The following ELK3 variants were observed in gnomAD, a reference collection of about 807,000 sequenced individuals.
The protein encoded by ELK3 is ETS transcription factor ELK3, also known as ETS domain-containing protein Elk-3.
A neutral mutation model predicts 28.9 loss-of-function variants in ELK3; 10 were observed. The observed-to-expected ratio is 0.35, with a 90% CI of 0.21 to 0.59. The LOEUF is 0.59. ELK3 is among the 20% of genes least tolerant of loss of function. ELK3 has a pLI of 0.82. For missense variants in ELK3, 463 were observed against 517.3 expected, an observed-to-expected ratio of 0.90 and a Z score of 1.02; for synonymous variants, 272 against 243.5, an observed-to-expected ratio of 1.12 and a Z score of -1.09.
chr12:96,226,647 C>T (rs901790240), intron 2 of ELK3, among the ~76,000 whole-genome samples: 12 of 152,194 alleles, frequency 7.9e-5, no homozygotes, highest in African/African-American at 2.9e-4. Flanking sequence ...CTTGCACATA[C>T]ATATCCACAT....
rs565739225 is a variant in ELK3, at chr12:96,269,084, A to T, written c.*1904A>T. ...CCTGTTTCCAGCTCAAGACAGGTGC[A>T]CAGCAGAAGCTGGGAGTTGCCTATG... is the stretch of plus-strand genomic sequence containing the variant. On this transcript the variant is annotated 3_prime_UTR_variant, in exon 5 of 5. Coordinates refer to ENST00000228741, the MANE Select transcript of ELK3 (RefSeq NM_005230.4). 6.6e-6 allele frequency: 1 copy of T among 152,380 alleles called. No individual in the cohort carries two copies. Among genetic ancestry groups the T allele is most frequent in the East Asian group, 1.9e-4 (1 of 5,188 alleles). The allele number at this position is 152,380 out of a possible 1,614,324, so 9.4% of individuals were successfully genotyped here.
At chr12:96,233,716 G>C (rs185113882) in intron 2 of ELK3, among the ~76,000 whole-genome samples, 92 of 152,316 alleles carry the variant, frequency 6.0e-4, no homozygotes, top group Non-Finnish European at 1.1e-3. Context: ...ATAAAATGAT[G>C]TTGTCAAAGT....
At chr12:96,215,007 A>C (rs1279646430) in intron 1 of ELK3, among the ~76,000 whole-genome samples, 1 of 152,208 alleles carries the variant, frequency 6.6e-6, no homozygotes, top group Non-Finnish European at 1.5e-5. Context: ...CTAACCATGC[A>C]AAATTTAACA....
intron 2 of ELK3, among the ~76,000 whole-genome samples, chr12:96,240,314 T>C (rs1951812078): frequency 2.0e-5 from 3 of 152,190 alleles, no homozygotes; most frequent in Admixed American, 6.5e-5. Flanking sequence ...ATATTTATGT[T>C]TTGTTCTGTT....
intron 2 of ELK3, among the ~76,000 whole-genome samples, chr12:96,241,426 T>TTG (rs57658963): frequency 0.47 from 69,164 of 146,140 alleles, 16,440 homozygotes; most frequent in Middle Eastern, 0.57. Context: ...AGTGGAGCGT[T>TTG]TGTGTGTGTG....
chr12:96,213,717 ATC>A (rs1435858839), intron 1 of ELK3: 4 of 151,632 alleles, frequency 2.6e-5, no homozygotes, highest in East Asian at 1.9e-4. Flanking sequence ...CCTCTGAAAA[ATC>A]TCTCTTTTTT....
chr12:96,234,483 G>A (rs568589852), intron 2 of ELK3, among the ~76,000 whole-genome samples: 1 of 152,174 alleles, frequency 6.6e-6, no homozygotes, highest in South Asian at 2.1e-4. Flanking sequence ...TCACAGCATA[G>A]CACCCACCAC....
intron 4 of ELK3, among the ~76,000 whole-genome samples, chr12:96,265,832 C>G (rs190805203): frequency 5.3e-5 from 8 of 152,176 alleles, no homozygotes; most frequent in African/African-American, 1.7e-4. Context: ...GAAGTGAATA[C>G]AATTCTAGAA....
intron 3 of ELK3, among the ~76,000 whole-genome samples, chr12:96,254,548 G>A (rs570559882): frequency 2.6e-5 from 4 of 152,186 alleles, no homozygotes; most frequent in South Asian, 4.2e-4. Flanking sequence ...ACAGAGAAGC[G>A]CTTTAGGAGC....
intron 1 of ELK3, among the ~76,000 whole-genome samples, chr12:96,195,204 G>A (rs1357155064): frequency 1.3e-5 from 2 of 152,116 alleles, no homozygotes; most frequent in African/African-American, 2.4e-5. Flanking sequence ...TGGGCAAAGT[G>A]CACTGGTGCT....
At chr12:96,252,509 T>C (rs991088778) in intron 3 of ELK3, among the ~76,000 whole-genome samples, 1 of 152,098 alleles carries the variant, frequency 6.6e-6, no homozygotes, top group Admixed American at 6.6e-5. Flanking sequence ...TATTCATGAT[T>C]CATGGGAGGA....
chr12:96,220,774 ACAT>A (rs1175593068), intron 1 of ELK3, among the ~76,000 whole-genome samples: 3 of 152,092 alleles, frequency 2.0e-5, no homozygotes, highest in Non-Finnish European at 4.4e-5. Flanking sequence ...TTAAACAAAG[ACAT>A]CATGTATTTT....
At chr12:96,208,912 C>T (rs1388672564) in intron 1 of ELK3, among the ~76,000 whole-genome samples, 2 of 152,230 alleles carry the variant, frequency 1.3e-5, no homozygotes, top group Non-Finnish European at 2.9e-5. Context: ...CACCTCTCTG[C>T]CAGGAAACAC....
intron 2 of ELK3, among the ~76,000 whole-genome samples, chr12:96,243,024 C>CT (rs779127835): frequency 6.6e-6 from 1 of 152,220 alleles, no homozygotes; most frequent in Non-Finnish European, 1.5e-5. Context: ...CTGAAGGGCC[C>CT]TTCCCAGTGT....
At chr12:96,200,459 C>G (rs1951501353) in intron 1 of ELK3, among the ~76,000 whole-genome samples, 1 of 151,864 alleles carries the variant, frequency 6.6e-6, no homozygotes, top group African/African-American at 2.4e-5. Flanking sequence ...TACATGTAAC[C>G]CTACCCAAAG....
chr12:96,195,450 C>T (rs530743095), intron 1 of ELK3, among the ~76,000 whole-genome samples: 1 of 152,308 alleles, frequency 6.6e-6, no homozygotes, highest in South Asian at 2.1e-4. Flanking sequence ...TCCCTGTTTA[C>T]CTTCGAACTC....
rs1032466435 is a variant in ELK3 at position 96,253,711 on chromosome 12, G to A, written c.1002+5977G>A. 5.7e-4 allele frequency among the ~76,000 whole-genome samples: 87 copies of A among 152,194 alleles called. 1 individual carries two copies. Among genetic ancestry groups the A allele is most frequent in the Non-Finnish European group, 1.0e-4 (7 of 68,040 alleles). On this transcript the variant is annotated intron_variant, in intron 3 of 4. Coordinates refer to ENST00000228741, the MANE Select transcript of ELK3 (RefSeq NM_005230.4). ...TTTCTCTCTCCTTTACTTTCTTAGA[G>A]ACTGAGTGACTTACCGGTATCTCAG...
At chr12:96,260,899 T>A (rs1951988255) in intron 4 of ELK3, among the ~76,000 whole-genome samples, 1 of 152,224 alleles carries the variant, frequency 6.6e-6, no homozygotes, top group African/African-American at 2.4e-5. Flanking sequence ...CCTGTTGATC[T>A]GGCAATCTTT....
chr12:96,248,820 C>T (rs553875020), intron 3 of ELK3, among the ~76,000 whole-genome samples: 7 of 152,350 alleles, frequency 4.6e-5, no homozygotes, highest in African/African-American at 7.2e-5. Context: ...TCCACACTTA[C>T]AGCAGCCCTG....
Sources: gnomAD v4.1 joint callset for allele counts (sites outside exome capture counted in the v4.1 genomes callset) on GRCh38, gnomAD v4.1.1 for gene constraint, MANE v1.5 for transcripts, NCBI Gene and HGNC (gene_info 2026-07-23, HGNC 2026-07-21) for gene names.